The following PARPBP variants were observed in gnomAD, a reference collection of about 807,000 sequenced individuals.
PARPBP encodes the protein PCNA-interacting partner.
A neutral mutation model predicts 50.0 loss-of-function variants in PARPBP; 52 were observed. The observed-to-expected ratio is 1.04, with a 90% CI of 0.83 to 1.31. The LOEUF (loss-of-function observed/expected upper bound fraction) is 1.31. Ranked by LOEUF, PARPBP falls within the 50% of genes most tolerant of loss-of-function variation. The probability of loss-of-function intolerance (pLI) is 0.00; values close to 1 mark genes in which losing one functional copy is unlikely to be tolerated. For synonymous variants in PARPBP, 244 were observed against 232.1 expected (o/e 1.05, Z -0.47); for missense variants, 697 against 672.0 (o/e 1.04, Z -0.41).
rs139411798 is a variant in PARPBP, at chr12:102,167,018, C to A, written c.821+1135C>A. 4.5e-4 allele frequency among the ~76,000 whole-genome samples: 69 copies of A among 152,202 alleles called. No homozygotes were observed. The East Asian group carries it at 0.013, about 28-fold the overall frequency. On this transcript the variant is annotated intron_variant, in intron 6 of 10. Coordinates refer to ENST00000327680, the MANE Select transcript of PARPBP (RefSeq NM_017915.5). Reference sequence around the variant, plus strand: ...TATATTTTGTTAAAGTCAGGTGGTACTACAGTCATCTGTCAGTTTTTTGCC... The same window carrying A: ...TATATTTTGTTAAAGTCAGGTGGTAATACAGTCATCTGTCAGTTTTTTGCC...
At chr12:102,183,792 G>C (rs1890054578) in intron 9 of PARPBP, among the ~76,000 whole-genome samples, 1 of 151,904 alleles carries the variant, frequency 6.6e-6, no homozygotes, top group Admixed American at 6.6e-5. Context: ...ATACCAAAGT[G>C]GGTCAGGTAT....
chr12:102,190,769 T>C (rs1890723664), intron 9 of PARPBP, among the ~76,000 whole-genome samples: 1 of 152,108 alleles, frequency 6.6e-6, no homozygotes, highest in Non-Finnish European at 1.5e-5. Flanking sequence ...GGAGTTTATA[T>C]TTTAGTTGGG....
chr12:102,125,610 C>T (rs963137406), intron 2 of PARPBP, among the ~76,000 whole-genome samples: 1 of 152,106 alleles, frequency 6.6e-6, no homozygotes, highest in Non-Finnish European at 1.5e-5. Flanking sequence ...ATGTTAATCT[C>T]CTTCCCTCCA....
At chr12:102,152,153 C>T (rs1453746312) in intron 3 of PARPBP, 1 of 261,892 alleles carries the variant, frequency 3.8e-6, no homozygotes. Context: ...GCTGGGTCTT[C>T]TCAGGGATGC....
intron 9 of PARPBP, among the ~76,000 whole-genome samples, chr12:102,186,650 T>G (rs967624935): frequency 6.6e-6 from 1 of 152,220 alleles, no homozygotes; most frequent in African/African-American, 2.4e-5. Flanking sequence ...CTTAAATCCC[T>G]GTGAATTAAT....
chr12:102,141,761 C>A (rs368824848), intron 2 of PARPBP, among the ~76,000 whole-genome samples: 99 of 152,188 alleles, frequency 6.5e-4, no homozygotes, highest in African/African-American at 2.1e-3. Context: ...GTTTGGCTGG[C>A]TATGAAATTC....
chr12:102,191,363 T>TTA (rs1230098891), intron 9 of PARPBP, among the ~76,000 whole-genome samples: 1 of 152,190 alleles, frequency 6.6e-6, no homozygotes, highest in African/African-American at 2.4e-5. Context: ...ATTATTTGAT[T>TTA]TATATACAAT....
At chr12:102,141,371 A>G (rs182620174) in intron 2 of PARPBP, among the ~76,000 whole-genome samples, 57 of 151,518 alleles carry the variant, frequency 3.8e-4, no homozygotes, top group African/African-American at 1.2e-3. Context: ...TTTTGAGCCT[A>G]TATGTGTCTC....
chr12:102,139,082 A>G (rs1426491031), intron 2 of PARPBP, among the ~76,000 whole-genome samples: 1 of 152,222 alleles, frequency 6.6e-6, no homozygotes, highest in Admixed American at 6.5e-5. Context: ...CTTGGACAGT[A>G]TGGCCATTTT....
chr12:102,171,623 T>C (rs947443881), intron 6 of PARPBP, among the ~76,000 whole-genome samples: 3 of 152,102 alleles, frequency 2.0e-5, no homozygotes, highest in Non-Finnish European at 4.4e-5. Flanking sequence ...TCTCAACACT[T>C]TGGGAGGCCG....
intron 9 of PARPBP, among the ~76,000 whole-genome samples, chr12:102,190,506 ACTC>A (rs1472630796): frequency 6.6e-6 from 1 of 151,936 alleles, no homozygotes; most frequent in East Asian, 1.9e-4. Context: ...TCTGAAGAAT[ACTC>A]TGCCAGTAGG....
intron 2 of PARPBP, among the ~76,000 whole-genome samples, chr12:102,140,829 T>C (rs1884467761): frequency 6.6e-6 from 1 of 152,254 alleles, no homozygotes; most frequent in South Asian, 2.1e-4. Context: ...CTAGTTTGAT[T>C]GCACTGTGGT....
At chr12:102,174,288 G>A (rs1889040820) in intron 6 of PARPBP, among the ~76,000 whole-genome samples, 1 of 151,866 alleles carries the variant, frequency 6.6e-6, no homozygotes, top group African/African-American at 2.4e-5. Context: ...AACAAATGCC[G>A]GATATGAGTC....
intron 1 of PARPBP, among the ~76,000 whole-genome samples, chr12:102,120,868 C>T (rs1250507131): frequency 6.6e-6 from 1 of 152,120 alleles, no homozygotes; most frequent in African/African-American, 2.4e-5. Flanking sequence ...AAAGGGGGAG[C>T]CTGGAAGTGA....
intron 2 of PARPBP, among the ~76,000 whole-genome samples, chr12:102,131,364 A>G (rs914288059): frequency 1.3e-5 from 2 of 152,188 alleles, no homozygotes; most frequent in African/African-American, 4.8e-5. Flanking sequence ...GGCTGTGGAG[A>G]AGAAGGAACA....
chr12:102,120,492 G>T (rs1296471664), intron 1 of PARPBP: 1 of 456,534 alleles, frequency 2.2e-6, no homozygotes, highest in Admixed American at 2.3e-5. Context: ...GATGGAGCTG[G>T]TAGGTCCTGA....
At chr12:102,130,334 G>A (rs929863650) in intron 2 of PARPBP, among the ~76,000 whole-genome samples, 1 of 152,184 alleles carries the variant, frequency 6.6e-6, no homozygotes, top group Non-Finnish European at 1.5e-5. Context: ...CATGGGCAAC[G>A]ATTTCATGAT....
At chr12:102,176,092 C>T (rs893777624) in intron 7 of PARPBP, among the ~76,000 whole-genome samples, 6 of 151,826 alleles carry the variant, frequency 4.0e-5, no homozygotes, top group African/African-American at 1.5e-4. Flanking sequence ...AAGCAATTCT[C>T]CTGCCTCAGC....
chr12:102,178,193 A>G (rs1163859035), intron 7 of PARPBP, among the ~76,000 whole-genome samples: 1 of 152,138 alleles, frequency 6.6e-6, no homozygotes, highest in Non-Finnish European at 1.5e-5. Flanking sequence ...TTTGCATTTG[A>G]TCGTTACAGT....
Sources: allele counts gnomAD v4.1 joint callset (sites outside exome capture counted in the v4.1 genomes callset), GRCh38; gene constraint gnomAD v4.1.1; transcripts MANE v1.5; gene names NCBI Gene and HGNC (gene_info 2026-07-23, HGNC 2026-07-21).